Variants in FOXN3 observed in about 807,000 individuals in gnomAD.
FOXN3 encodes the protein forkhead box N3, also known as forkhead box protein N3.
FOXN3 carries 7 observed loss-of-function variants against 38.4 expected under a neutral mutation model. The observed-to-expected ratio is 0.18, with a 90% CI of 0.10 to 0.34. The LOEUF (loss-of-function observed/expected upper bound fraction) is 0.34, where lower values mean the gene tolerates loss of function less well. FOXN3 is among the 10% of genes least tolerant of loss of function. FOXN3 has a pLI of 1.00. For missense variants in FOXN3, 456 were observed against 613.4 expected, an observed-to-expected ratio of 0.74 and a Z score of 2.71; for synonymous variants, 230 against 242.2, an observed-to-expected ratio of 0.95 and a Z score of 0.47.
intron 4 of FOXN3, among the ~76,000 whole-genome samples, chr14:89,227,465 G>A (rs562964094): frequency 6.6e-6 from 1 of 152,228 alleles, no homozygotes; most frequent in East Asian, 1.9e-4. Context: ...TTTCCATTTG[G>A]TCATGTTGGG....
At chr14:89,193,009 G>A (rs1014910403) in intron 4 of FOXN3, among the ~76,000 whole-genome samples, 3 of 152,042 alleles carry the variant, frequency 2.0e-5, no homozygotes, top group Admixed American at 6.6e-5. Flanking sequence ...CCTAAGGGGG[G>A]CTGTTAAGGC....
chr14:89,360,749 C>T lies in FOXN3; in HGVS notation c.544-9941G>A, dbSNP rs1208009706. Among the ~76,000 whole-genome samples the T allele has an allele frequency of 7.3e-5, 9 of 124,034 alleles. No individual in the cohort carries two copies. In the South Asian group the frequency reaches 1.8e-3, roughly 24 times the overall value. 81.4% of individuals were successfully genotyped at this position (124,034 alleles called of 152,430 possible). A position where few individuals can be genotyped will look rare whatever the true frequency, so the allele number is the denominator to read the frequency against. ...CCACCACCACCTCCAGCACCACCTCCACCACCACCTCCACCACTACCACCT... is the reference window on the plus strand; with the variant it reads ...CCACCACCACCTCCAGCACCACCTCTACCACCACCTCCACCACTACCACCT... On this transcript the variant is annotated intron_variant, in intron 2 of 5. Coordinates refer to ENST00000557258, the MANE Select transcript of FOXN3 (RefSeq NM_005197.4).
chr14:89,328,451 A>T (rs2139982711), intron 3 of FOXN3, among the ~76,000 whole-genome samples: 1 of 151,852 alleles, frequency 6.6e-6, no homozygotes, highest in East Asian at 1.9e-4. Context: ...AGACATTCCC[A>T]ACAGCAGCCC....
intron 1 of FOXN3, among the ~76,000 whole-genome samples, chr14:89,570,427 G>T (rs1393157363): frequency 6.6e-6 from 1 of 151,898 alleles, no homozygotes; most frequent in African/African-American, 2.4e-5. Context: ...GCAGTTGAAG[G>T]GTGGAGCCGA....
intron 4 of FOXN3, chr14:89,183,836 T>G (rs1887735425): frequency 2.0e-5 from 3 of 152,194 alleles, no homozygotes; most frequent in Admixed American, 2.0e-4. Flanking sequence ...ACAGCCAGGC[T>G]CTGCAAACCA....
chr14:89,439,487 A>C (rs970952360), intron 1 of FOXN3, among the ~76,000 whole-genome samples: 5 of 152,148 alleles, frequency 3.3e-5, no homozygotes, highest in African/African-American at 1.2e-4. Context: ...CAGCACCATG[A>C]CAATTTACAA....
chr14:89,522,127 T>C (rs1392447710), intron 1 of FOXN3, among the ~76,000 whole-genome samples: 9 of 151,558 alleles, frequency 5.9e-5, no homozygotes, highest in Non-Finnish European at 2.9e-5. Flanking sequence ...TCTTTATTGC[T>C]CTGAAAGGAA....
chr14:89,579,307 C>T (rs568657694), intron 1 of FOXN3, among the ~76,000 whole-genome samples: 12 of 151,068 alleles, frequency 7.9e-5, no homozygotes, highest in Non-Finnish European at 1.5e-4. Flanking sequence ...CATGCCATCA[C>T]GCCTGGCTAA....
intron 1 of FOXN3, among the ~76,000 whole-genome samples, chr14:89,607,639 A>G (rs1896300428): frequency 6.6e-6 from 1 of 152,052 alleles, no homozygotes; most frequent in Non-Finnish European, 1.5e-5. Flanking sequence ...GTGCCACACA[A>G]GTTCTGATAA....
intron 2 of FOXN3, among the ~76,000 whole-genome samples, chr14:89,358,506 T>G (rs1694330122): frequency 6.6e-6 from 1 of 152,220 alleles, no homozygotes; most frequent in East Asian, 1.9e-4. Flanking sequence ...CTGGTTGGGC[T>G]GCACCTACCA....
chr14:89,348,665 TCCC>T (rs369339729), intron 3 of FOXN3, among the ~76,000 whole-genome samples: 1 of 151,756 alleles, frequency 6.6e-6, no homozygotes, highest in Non-Finnish European at 1.5e-5. Context: ...TGGTTTTTTT[TCCC>T]CCCTCAGTCA....
intron 4 of FOXN3, among the ~76,000 whole-genome samples, chr14:89,279,756 C>T (rs550548911): frequency 1.3e-5 from 2 of 152,174 alleles, no homozygotes; most frequent in Admixed American, 1.3e-4. Flanking sequence ...TTCACCTGTA[C>T]GAAGCAAAAA....
intron 5 of FOXN3, among the ~76,000 whole-genome samples, chr14:89,168,698 T>G (rs1437606714): frequency 1.3e-5 from 2 of 152,154 alleles, no homozygotes; most frequent in East Asian, 3.9e-4. Flanking sequence ...ATTCAATACT[T>G]GAATAGAAAA....
chr14:89,555,678 T>G (rs972948856), intron 1 of FOXN3, among the ~76,000 whole-genome samples: 2 of 152,206 alleles, frequency 1.3e-5, no homozygotes, highest in Non-Finnish European at 2.9e-5. Flanking sequence ...TCATTCATCC[T>G]AATTTGATAA....
At chr14:89,259,185 A>C (rs982404035) in intron 4 of FOXN3, among the ~76,000 whole-genome samples, 3 of 152,234 alleles carry the variant, frequency 2.0e-5, no homozygotes, top group Admixed American at 6.5e-5. Context: ...CTTTGCCTAG[A>C]GAGATGTTAC....
At chr14:89,310,516 GACA>G (rs1887505342) in intron 3 of FOXN3, among the ~76,000 whole-genome samples, 1 of 152,190 alleles carries the variant, frequency 6.6e-6, no homozygotes, top group Non-Finnish European at 1.5e-5. Flanking sequence ...CAGTCGCAAA[GACA>G]ACTACTAATG....
intron 4 of FOXN3, among the ~76,000 whole-genome samples, chr14:89,277,367 TC>T (rs1391660975): frequency 1.3e-5 from 2 of 152,116 alleles, no homozygotes; most frequent in Non-Finnish European, 2.9e-5. Flanking sequence ...AATGAGCTTG[TC>T]CCCTTCTAAT....
chr14:89,527,784 C>G (rs191519685), intron 1 of FOXN3, among the ~76,000 whole-genome samples: 1 of 151,378 alleles, frequency 6.6e-6, no homozygotes, highest in Non-Finnish European at 1.5e-5. Context: ...CCTCTGCAAC[C>G]TCTGCCTCCC....
In FOXN3 at chr14:89,406,207, A is replaced by G. The variant is rs1026216967; in HGVS notation, c.543+5727T>C. Reference sequence around the variant, plus strand: ...AGTCATCTGCTTGCCTCGGCCTCCCAAAGTGCTGGAATTACAGGTATGAGC... The same window carrying G: ...AGTCATCTGCTTGCCTCGGCCTCCCGAAGTGCTGGAATTACAGGTATGAGC... On this transcript the variant is annotated intron_variant, in intron 2 of 5. Transcript: ENST00000557258. Among the ~76,000 whole-genome samples, 89 of 152,064 alleles carry G rather than the reference A, an allele frequency of 5.9e-4. 1 individual carries two copies. The highest frequency in any genetic ancestry group is 2.0e-3 in the African/African-American group (83 of 41,460).
Sources: gnomAD v4.1 joint callset for allele counts (sites outside exome capture counted in the v4.1 genomes callset) on GRCh38, gnomAD v4.1.1 for gene constraint, MANE v1.5 for transcripts, NCBI Gene and HGNC (gene_info 2026-07-23, HGNC 2026-07-21) for gene names.